MZF1: variants seen among roughly 807,000 people sequenced by gnomAD.
MZF1 encodes the protein zinc finger and SCAN domain-containing protein 6.
Under a neutral mutation model 28.6 loss-of-function variants are expected in MZF1, and 24 were observed. That is an observed-to-expected ratio of 0.84 (90% confidence interval 0.61 to 1.18). The LOEUF (loss-of-function observed/expected upper bound fraction) is 1.18. Ranked by LOEUF, MZF1 falls within the 50% of genes most tolerant of loss-of-function variation. The pLI, the probability that MZF1 is intolerant of heterozygous loss-of-function variation, is 0.00. For missense variants in MZF1, 1,166 were observed against 1,026.4 expected, an observed-to-expected ratio of 1.14 and a Z score of -1.86; for synonymous variants, 516 against 432.5, an observed-to-expected ratio of 1.19 and a Z score of -2.40.
intron 1 of MZF1, chr19:58,572,467 G>A: frequency 1.8e-6 from 2 of 1,086,358 alleles, no homozygotes; most frequent in Non-Finnish European, 2.5e-6. Context: ...AGCCTGCAAG[G>A]AAGTCCCGAG....
chr19:58,569,512 T>G lies in MZF1; in HGVS notation c.651+4A>C. The stretch of plus-strand genomic sequence containing the variant: ...AGGAGAACATGGACCTGGGCAGGAC[T>G]TACCTGGGCCTCCTCAGGCAGGAGG... On this transcript the variant is annotated splice_donor_region_variant and intron_variant, in intron 4 of 5. Transcript: ENST00000215057. The G allele has an allele frequency of 6.2e-7, 1 of 1,612,084 alleles. No individual in the cohort carries two copies. Among genetic ancestry groups the G allele is most frequent in the East Asian group, 2.2e-5 (1 of 44,850 alleles).
At chr19:58,565,862 T>C (rs1490977836) in intron 5 of MZF1, among the ~76,000 whole-genome samples, 19 of 138,530 alleles carry the variant, frequency 1.4e-4, no homozygotes, top group South Asian at 7.6e-4. Context: ...GGAATGGGGC[T>C]GGGCACGGTG....
chr19:58,565,096 A>ATT (rs55976513), intron 5 of MZF1, among the ~76,000 whole-genome samples: 26 of 133,492 alleles, frequency 1.9e-4, no homozygotes, highest in African/African-American at 6.4e-4. Context: ...AATTGTTTGT[A>ATT]TTTTTTTTTT....
intron 5 of MZF1, chr19:58,569,065 G>T: frequency 1.9e-6 from 1 of 529,848 alleles, no homozygotes; most frequent in Non-Finnish European, 3.2e-6. Context: ...AGAAAGTAGA[G>T]GGGCTGTGGG....
chr19:58,572,578 C>A (rs1225132079), intron 1 of MZF1: 1 of 1,289,632 alleles, frequency 7.8e-7, no homozygotes, highest in Non-Finnish European at 1.0e-6. Flanking sequence ...CCTTCTGCAG[C>A]TGCGGCTTTA....
In MZF1 at chr19:58,570,509, C is replaced by T; in HGVS notation, c.415G>A (p.Gly139Ser). 6.2e-7 allele frequency: 1 copy of T among 1,613,184 alleles called. No homozygotes were observed. The highest frequency in any genetic ancestry group is 8.5e-7 in the Non-Finnish European group (1 of 1,179,484). The change falls in exon 3 of 6, where the codon GGC (glycine) becomes AGC (serine). Residue 139 changes from glycine (G) to serine (S), a missense_variant. Transcript: ENST00000215057. ...ATCTTCTCTGATAGGACCTCCTGGC[C>T]CTGCACCTGGACTGTGACCTGGGGA... ...PRRWVTVQVQ[G>S]QEVLSEKMEP...
Position 58,563,043 on chromosome 19 carries a change from A to G in MZF1, c.1234T>C (p.Phe412Leu). Residue 412 changes from phenylalanine to leucine, a missense_variant, in exon 6 of 6, where the codon TTC becomes CTC. Phe to Leu is a conservative substitution (Grantham distance 22, BLOSUM62 0). Coordinates refer to ENST00000215057, the MANE Select transcript of MZF1 (RefSeq NM_198055.2). ...HQLTHTEERP[F>L]VCGDCGQGFV... ...CCCTGGCCACAGTCGCCGCACACGA[A>G]CGGCCGCTCCTCGGTGTGCGTAAGC... is the stretch of plus-strand genomic sequence containing the variant. 6.2e-7 allele frequency: 1 copy of G among 1,602,234 alleles called. No individual in the cohort carries two copies. The highest frequency in any genetic ancestry group is 8.5e-7 in the Non-Finnish European group (1 of 1,179,574).
At position 58,573,333 on chromosome 19, in the gene MZF1, C is replaced by T. The variant is rs935698489; in HGVS notation, c.-319G>A. The T allele has an allele frequency of 1.3e-5, 2 of 152,696 alleles. No homozygotes were observed. Among genetic ancestry groups the T allele is most frequent in the African/African-American group, 4.8e-5 (2 of 41,470 alleles). 9.5% of individuals were successfully genotyped at this position (152,696 alleles called of 1,614,324 possible). A position where few individuals can be genotyped will look rare whatever the true frequency, so the allele number is the denominator to read the frequency against. ...TCAGGTACAACAGACGGCAGCACCG[C>T]CTACCAGATCGCGCATGCCCCCCAC... On this transcript the variant is annotated 5_prime_UTR_variant, in exon 1 of 6. Transcript: ENST00000215057.
chr19:58,569,448 G>A (rs1409687963), intron 4 of MZF1, 51 bp from the exon 5 acceptor site: 1 of 1,613,860 alleles, frequency 6.2e-7, no homozygotes, highest in East Asian at 2.2e-5. Flanking sequence ...GCTCAGGGAG[G>A]GACCTACCTG....
At position 58,562,282 on chromosome 19, in the gene MZF1, G is replaced by C. The variant is rs1233234104; in HGVS notation, c.1995C>G (p.His665Gln). 5.0e-6 allele frequency: 8 copies of C among 1,605,468 alleles called. No homozygotes were observed. The highest frequency in any genetic ancestry group is 6.8e-6 in the Non-Finnish European group (8 of 1,177,126). Residue 665 changes from histidine (H) to glutamine (Q), a missense_variant, in exon 6 of 6, where the codon CAC becomes CAG. Transcript: ENST00000215057. ...TGCGCCGGTGCTGGGTGAGGTTGGC[G>C]TGCTGCCGAAAGCTCTGGCCGCACT... ...CPECGQSFRQ[H>Q]ANLTQHRRIH...
intron 5 of MZF1, among the ~76,000 whole-genome samples, chr19:58,565,548 C>T (rs2054032806): frequency 6.8e-6 from 1 of 147,438 alleles, no homozygotes; most frequent in South Asian, 2.2e-4. Context: ...TGTGTGCGCA[C>T]TTGAGACGGA....
chr19:58,566,794 C>G (rs1335916060), intron 5 of MZF1, among the ~76,000 whole-genome samples: 1 of 152,018 alleles, frequency 6.6e-6, no homozygotes. Context: ...GGCAAAACAG[C>G]AAAACCCTGT....
chr19:58,562,445 T>C lies in MZF1; in HGVS notation c.1832A>G (p.Lys611Arg). Reference protein sequence around the residue: ...ECGQRFSQRLKLTRHQRTHTG... With the variant: ...ECGQRFSQRLRLTRHQRTHTG... Reference sequence around the variant, plus strand: ...GTGTGTCCTCTGATGACGCGTGAGCTTGAGGCGCTGGCTGAAGCGCTGGCC... The same window carrying C: ...GTGTGTCCTCTGATGACGCGTGAGCCTGAGGCGCTGGCTGAAGCGCTGGCC... The change falls in exon 6 of 6, where the codon AAG (lysine) becomes AGG (arginine). Residue 611 changes from lysine to arginine, a missense_variant. Lys to Arg is a conservative substitution (Grantham distance 26, BLOSUM62 2). Transcript: ENST00000215057. 6.2e-6 allele frequency: 10 copies of C among 1,611,336 alleles called. No homozygotes were observed. Among genetic ancestry groups the C allele is most frequent in the Non-Finnish European group, 8.5e-6 (10 of 1,179,338 alleles).
intron 1 of MZF1, chr19:58,572,000 AAG>A (rs1320924492): frequency 1.9e-5 from 3 of 158,974 alleles, no homozygotes; most frequent in Admixed American, 1.2e-4. Context: ...TTAGGACTAG[AAG>A]ACACTTCTCT....
Position 58,562,143 on chromosome 19 carries a change from G to T in MZF1, c.2134C>A (p.Gln712Lys), listed in dbSNP as rs764621385. 2.5e-6 allele frequency: 4 copies of T among 1,592,174 alleles called. No homozygotes were observed. The Admixed American group carries it at 7.2e-5, about 28-fold the overall frequency. The change falls in exon 6 of 6, where the codon CAG becomes AAG. Residue 712 changes from glutamine to lysine, a missense_variant. Gln to Lys is a moderately conservative substitution (Grantham distance 53, BLOSUM62 1). Transcript: ENST00000215057. ...TGGTGGAAGCGGCGGCCACAGTCCTGGCAGGCGAAGGGCTTCTCTCGTCGG... is the reference window on the plus strand; with the variant it reads ...TGGTGGAAGCGGCGGCCACAGTCCTTGCAGGCGAAGGGCTTCTCTCGTCGG... The part of the protein sequence containing the change: ...THRREKPFAC[Q>K]DCGRRFHQST...
In MZF1 at chr19:58,562,580, T is replaced by C; in HGVS notation, c.1697A>G (p.Glu566Gly). The C allele has an allele frequency of 6.3e-7, 1 of 1,593,042 alleles. No individual in the cohort carries two copies. ...ACACTCGGCGCAGGCGAAGGGCCGC[T>C]CCCCGGTGTGGATGCGCCGGTGCTG... is the stretch of plus-strand genomic sequence containing the variant. Reference protein sequence around the residue: ...LTQHRRIHTGERPFACAECGK... With the variant: ...LTQHRRIHTGGRPFACAECGK... The change falls in exon 6 of 6, where the codon GAG becomes GGG. Residue 566 changes from glutamate to glycine, a missense_variant. Physicochemically the swap from Glu to Gly is moderately conservative, Grantham distance 98. Coordinates refer to ENST00000215057, the MANE Select transcript of MZF1 (RefSeq NM_198055.2).
At chr19:58,565,334 T>C (rs1347049498) in intron 5 of MZF1, among the ~76,000 whole-genome samples, 1 of 148,056 alleles carries the variant, frequency 6.8e-6, no homozygotes, top group Non-Finnish European at 1.5e-5. Flanking sequence ...CCTCAGGTGA[T>C]CTGCCCACTT....
At position 58,562,489 on chromosome 19, in the gene MZF1, G is replaced by A. The variant is rs753599711; in HGVS notation, c.1788C>T (p.Pro596=). The A allele has an allele frequency of 6.2e-7, 1 of 1,611,104 alleles. No individual in the cohort carries two copies. The highest frequency in any genetic ancestry group is 8.5e-7 in the Non-Finnish European group (1 of 1,179,390). Reference sequence around the variant, plus strand: ...GCTGGCCACACTCGGGGCAGGCAAAGGGTTTCTCGCCCGTGTGTACGCGGA... The same window carrying A: ...GCTGGCCACACTCGGGGCAGGCAAAAGGTTTCTCGCCCGTGTGTACGCGGA... ...QHLRVHTGEK[P]FACPECGQRF... is the part of the protein sequence containing the mutation. Residue 596 remains proline (P), a synonymous_variant, in exon 6 of 6, where the codon CCC becomes CCT. Coordinates refer to ENST00000215057, the MANE Select transcript of MZF1 (RefSeq NM_198055.2).
At chr19:58,570,645 C>T (rs1303721926) in intron 2 of MZF1, 118 bp from the exon 3 acceptor site, 20 of 1,126,980 alleles carry the variant, frequency 1.8e-5, no homozygotes, top group Non-Finnish European at 2.5e-5. Flanking sequence ...TAAATACCTA[C>T]TGACTAGGTC....
Sources: allele counts gnomAD v4.1 joint callset (sites outside exome capture counted in the v4.1 genomes callset), GRCh38; gene constraint gnomAD v4.1.1; transcripts MANE v1.5; gene names NCBI Gene and HGNC (gene_info 2026-07-23, HGNC 2026-07-21).